RNF157: variants seen among roughly 807,000 people sequenced by gnomAD.
RNF157 encodes the protein ring finger protein 157, also known as E3 ubiquitin ligase RNF157.
RNF157 carries 55 observed loss-of-function variants against 88.3 expected under a neutral mutation model. The observed-to-expected ratio is 0.62, with a 90% CI of 0.50 to 0.78. RNF157 has a LOEUF of 0.78. Among genes scored for constraint, RNF157 ranks in the 30% least tolerant of loss-of-function variants. The probability of loss-of-function intolerance (pLI) is 0.00; values close to 1 mark genes in which losing one functional copy is unlikely to be tolerated. For missense variants in RNF157, 788 were observed against 860.8 expected (o/e 0.92, Z 1.06); for synonymous variants, 334 against 341.2 (o/e 0.98, Z 0.23).
intron 2 of RNF157, among the ~76,000 whole-genome samples, chr17:76,203,152 GGC>G (rs1435091909): frequency 5.9e-5 from 9 of 152,072 alleles, no homozygotes; most frequent in Non-Finnish European, 8.8e-5. Context: ...CACCATGCCT[GGC>G]TAATTTTTGT....
At chr17:76,156,442 T>C in intron 13 of RNF157, 121 bp from the exon 14 acceptor site, 5 of 1,501,970 alleles carry the variant, frequency 3.3e-6, no homozygotes, top group Non-Finnish European at 4.4e-6. Context: ...TGGGAGGGAC[T>C]GAGTGGCATG....
At chr17:76,218,211 A>T (rs373655527) in intron 1 of RNF157, among the ~76,000 whole-genome samples, 1 of 152,254 alleles carries the variant, frequency 6.6e-6, no homozygotes, top group Non-Finnish European at 1.5e-5. Context: ...CAAAAAGTCA[A>T]AATTCTAGAG....
In RNF157 at chr17:76,167,780, T is replaced by C. The variant is rs746797015; in HGVS notation, c.314A>G (p.Lys105Arg). 2 of 1,614,100 alleles carry C rather than the reference T, an allele frequency of 1.2e-6. No individual in the cohort carries two copies. Among genetic ancestry groups the C allele is most frequent in the South Asian group, 1.1e-5 (1 of 91,062 alleles). ...LRLVKCAEEV[K>R]SPGEEASKAK... ...TTTACTGGCCTCTTCTCCAGGGCTC[T>C]TCACTTCCTCAGCACATCTAGAAAA... The change falls in exon 4 of 19, where the codon AAG becomes AGG. Residue 105 changes from lysine to arginine, a missense_variant. Coordinates refer to ENST00000269391, the MANE Select transcript of RNF157 (RefSeq NM_052916.3).
At chr17:76,155,120 G>T in intron 16 of RNF157, 132 bp downstream of exon 16, 3 of 757,008 alleles carry the variant, frequency 4.0e-6, no homozygotes, top group South Asian at 1.6e-5. Context: ...ACTTCTCACT[G>T]ATCTAGGCAT....
chr17:76,173,194 G>C (rs1050586808), intron 3 of RNF157, among the ~76,000 whole-genome samples: 1 of 152,058 alleles, frequency 6.6e-6, no homozygotes, highest in South Asian at 2.1e-4. Context: ...GCTGAGGCAG[G>C]AGAATGGCGT....
chr17:76,163,867 C>G (rs1317533801), intron 8 of RNF157: 1 of 152,206 alleles, frequency 6.6e-6, no homozygotes, highest in Admixed American at 6.5e-5. Context: ...GATCTGTTTC[C>G]TCCTCTGCTG....
At chr17:76,164,601 C>G in intron 8 of RNF157, 147 bp downstream of exon 8, 1 of 421,656 alleles carries the variant, frequency 2.4e-6, no homozygotes. Context: ...TTTTTCTTTT[C>G]TTCTTTGATT....
chr17:76,198,089 T>C (rs2069507170), intron 2 of RNF157, among the ~76,000 whole-genome samples: 1 of 152,096 alleles, frequency 6.6e-6, no homozygotes, highest in Non-Finnish European at 1.5e-5. Flanking sequence ...CACCCAACCA[T>C]AATTAGGGCC....
intron 1 of RNF157, among the ~76,000 whole-genome samples, chr17:76,221,109 C>G (rs987610150): frequency 4.0e-5 from 6 of 151,762 alleles, no homozygotes; most frequent in Admixed American, 6.6e-5. Context: ...CAACAGAGAC[C>G]CTATTTCAAA....
intron 1 of RNF157, among the ~76,000 whole-genome samples, chr17:76,224,728 A>AG (rs1568075355): frequency 1.3e-5 from 2 of 151,846 alleles, no homozygotes; most frequent in South Asian, 2.1e-4. Flanking sequence ...TTAAAAAAAA[A>AG]AAAGAAAGAA....
rs1314455581 is a variant in RNF157 at position 76,143,684 on chromosome 17, G to C, written c.*1551C>G. ...CAGTGAGACAGTCACTGCACTCCTG[G>C]CCTCTGCAGCCACACAGAAACGAAG... On this transcript the variant is annotated 3_prime_UTR_variant, in exon 19 of 19. Transcript: ENST00000269391. 6.6e-6 allele frequency: 1 copy of C among 152,130 alleles called. No homozygotes were observed. The highest frequency in any genetic ancestry group is 1.5e-5 in the Non-Finnish European group (1 of 68,036). The allele number at this position is 152,130 out of a possible 1,614,324, so 9.4% of individuals were successfully genotyped here.
chr17:76,216,746 C>T (rs1156796777), intron 1 of RNF157, among the ~76,000 whole-genome samples: 1 of 151,816 alleles, frequency 6.6e-6, no homozygotes, highest in Admixed American at 6.6e-5. Context: ...AAAAAATTAG[C>T]TGGGTATGAT....
At chr17:76,221,543 A>G (rs1217122257) in intron 1 of RNF157, among the ~76,000 whole-genome samples, 1 of 152,222 alleles carries the variant, frequency 6.6e-6, no homozygotes, top group Non-Finnish European at 1.5e-5. Flanking sequence ...TCCAAAGTAC[A>G]GACTTTATTT....
intron 14 of RNF157, among the ~76,000 whole-genome samples, 197 bp from the exon 15 acceptor site, chr17:76,155,931 C>A (rs1379968692): frequency 6.6e-6 from 1 of 152,196 alleles, no homozygotes; most frequent in Non-Finnish European, 1.5e-5. Context: ...CAGAACTCAG[C>A]CTTGGGGACA....
chr17:76,184,189 TA>T lies in RNF157; in HGVS notation c.208-10400del, dbSNP rs542969861. Among the ~76,000 whole-genome samples, 447 of 110,780 alleles carry T rather than the reference TA, an allele frequency of 4.0e-3. 2 individuals are homozygous for T. Among genetic ancestry groups the T allele is most frequent in the Middle Eastern group, 9.8e-3 (2 of 204 alleles). 72.7% of individuals were successfully genotyped at this position (110,780 alleles called of 152,430 possible). The stretch of plus-strand genomic sequence containing the variant: ...CTGGGCGACAGAGCAAGACTCCATC[TA>T]AAAAAAAAAAAAAAAAAGCAAAGTA... On this transcript the variant is annotated intron_variant, in intron 2 of 18. Transcript: ENST00000269391.
At chr17:76,169,186 C>T (rs1478691554) in intron 3 of RNF157, among the ~76,000 whole-genome samples, 1 of 152,078 alleles carries the variant, frequency 6.6e-6, no homozygotes, top group Non-Finnish European at 1.5e-5. Flanking sequence ...CGTCTTTCTT[C>T]TTCTATTTTC....
chr17:76,145,996 T>C (rs916499569), intron 18 of RNF157, among the ~76,000 whole-genome samples: 3 of 152,146 alleles, frequency 2.0e-5, no homozygotes, highest in Non-Finnish European at 4.4e-5. Flanking sequence ...CCCAAGAGCC[T>C]CGGGGTCCCA....
At chr17:76,198,776 C>T (rs1354403691) in intron 2 of RNF157, among the ~76,000 whole-genome samples, 2 of 152,228 alleles carry the variant, frequency 1.3e-5, no homozygotes, top group African/African-American at 4.8e-5. Context: ...CCCACACCTA[C>T]AGGACAAAAA....
intron 2 of RNF157, among the ~76,000 whole-genome samples, chr17:76,205,468 C>T (rs541597576): frequency 2.2e-4 from 34 of 152,052 alleles, no homozygotes; most frequent in Admixed American, 1.5e-3. Context: ...CGGCTGAGCG[C>T]AGTGGCTCAG....
Sources: allele counts gnomAD v4.1 joint callset (sites outside exome capture counted in the v4.1 genomes callset), GRCh38; gene constraint gnomAD v4.1.1; transcripts MANE v1.5; gene names NCBI Gene and HGNC (gene_info 2026-07-23, HGNC 2026-07-21).